Variants in SP4 observed in about 807,000 individuals in gnomAD.
SP4 encodes transcription factor Sp4.
Under a neutral mutation model 72.8 loss-of-function variants are expected in SP4, and 19 were observed. That is an observed-to-expected ratio of 0.26 (90% CI 0.18 to 0.38). SP4 has a LOEUF of 0.38. SP4 is among the 10% of genes least tolerant of loss of function. SP4 has a pLI of 1.00. For synonymous variants in SP4, 395 were observed against 333.1 expected, an observed-to-expected ratio of 1.19 and a Z score of -2.02; for missense variants, 1,008 against 926.3, an observed-to-expected ratio of 1.09 and a Z score of -1.14.
intron 4 of SP4, among the ~76,000 whole-genome samples, chr7:21,478,808 G>A (rs1331619969): frequency 2.0e-5 from 3 of 152,018 alleles, no homozygotes; most frequent in Non-Finnish European, 2.9e-5. Flanking sequence ...AGTGGCTCAC[G>A]CCTGTAATCC....
chr7:21,467,562 T>C (rs1265080794), intron 3 of SP4, among the ~76,000 whole-genome samples: 2 of 152,204 alleles, frequency 1.3e-5, no homozygotes, highest in South Asian at 2.1e-4. Flanking sequence ...TATCTTTTTA[T>C]GTTTAGGAAT....
intron 5 of SP4, among the ~76,000 whole-genome samples, chr7:21,498,722 CAT>C (rs1395695210): frequency 9.2e-5 from 14 of 152,140 alleles, no homozygotes; most frequent in African/African-American, 3.4e-4. Flanking sequence ...CCTTAATGAT[CAT>C]AGTCAATTAA....
Position 21,429,584 on chromosome 7 carries a change from C to G in SP4, c.419C>G (p.Thr140Ser). The G allele has an allele frequency of 1.2e-6, 2 of 1,614,204 alleles. No homozygotes were observed. Among genetic ancestry groups the G allele is most frequent in the Non-Finnish European group, 1.7e-6 (2 of 1,180,016 alleles). ...AACGGGAGTGCATCTCCTACAAAAACTAAATCAGGTAATTCTTCCACCCCT... is the reference window on the plus strand; with the variant it reads ...AACGGGAGTGCATCTCCTACAAAAAGTAAATCAGGTAATTCTTCCACCCCT... ...SNNGSASPTK[T>S]KSGNSSTPGQ... Residue 140 changes from threonine (T) to serine (S), a missense_variant, in exon 3 of 6, where the codon ACT (threonine) becomes AGT (serine). This residue lies in a region of SP4 where 893 missense variants were observed against 743.3 expected (regional missense o/e 1.20). Coordinates refer to ENST00000222584, the MANE Select transcript of SP4 (RefSeq NM_003112.5).
intron 3 of SP4, among the ~76,000 whole-genome samples, chr7:21,431,865 T>A (rs1205443201): frequency 2.6e-5 from 4 of 152,262 alleles, no homozygotes; most frequent in African/African-American, 9.6e-5. Context: ...TTTTGAATGA[T>A]CTTTCTTGAA....
Position 21,429,509 on chromosome 7 carries a change from A to G in SP4, c.344A>G (p.Asn115Ser), listed in dbSNP as rs767888020. The G allele has an allele frequency of 1.9e-6, 3 of 1,614,202 alleles. No homozygotes were observed. Among genetic ancestry groups the G allele is most frequent in the South Asian group, 2.2e-5 (2 of 91,088 alleles). The change falls in exon 3 of 6, where the codon AAT (asparagine) becomes AGT (serine). Residue 115 changes from asparagine (N) to serine (S), a missense_variant. Asn to Ser is a conservative substitution (Grantham distance 46). Around this residue, in one of 3 missense-constraint regions of SP4, gnomAD observed 893 missense variants for 743.3 expected, o/e 1.20. Transcript: ENST00000222584. Reference sequence around the variant, plus strand: ...TCCACTCCTCCTGCTTCAAAAGAGAATAACGTTTCTCAACCAGCCTCTAGT... The same window carrying G: ...TCCACTCCTCCTGCTTCAAAAGAGAGTAACGTTTCTCAACCAGCCTCTAGT... The part of the protein sequence containing the change: ...VASTPPASKE[N>S]NVSQPASSSS...
At chr7:21,442,085 C>G (rs1323311202) in intron 3 of SP4, among the ~76,000 whole-genome samples, 1 of 138,564 alleles carries the variant, frequency 7.2e-6, no homozygotes, top group African/African-American at 2.7e-5. Flanking sequence ...GTCACCCAGG[C>G]TGGAGTGCAG....
At chr7:21,430,870 C>T (rs76475179) in intron 3 of SP4, 27 bp downstream of exon 3, 48,940 of 1,484,424 alleles carry the variant, frequency 0.033, 1,007 homozygotes, top group Non-Finnish European at 0.039. Context: ...TTTTAAGTAC[C>T]TTTTAAATAG....
At chr7:21,496,681 A>G (rs188117237) in intron 5 of SP4, among the ~76,000 whole-genome samples, 3 of 150,330 alleles carry the variant, frequency 2.0e-5, no homozygotes, top group African/African-American at 7.3e-5. Flanking sequence ...TTATTTATTT[A>G]TTTTTTTTTC....
intron 3 of SP4, among the ~76,000 whole-genome samples, chr7:21,456,368 C>T (rs888594109): frequency 7.9e-5 from 12 of 152,128 alleles, no homozygotes; most frequent in African/African-American, 2.4e-4. Context: ...ATAAGGAGCT[C>T]GCAGAGCCAG....
In SP4 at chr7:21,430,483, C is replaced by A. The variant is rs1394091276; in HGVS notation, c.1318C>A (p.Pro440Thr). The change falls in exon 3 of 6, where the codon CCT becomes ACT. Residue 440 changes from proline (P) to threonine (T), a missense_variant. By Grantham distance (38) the Pro-to-Thr change is conservative. Coordinates refer to ENST00000222584, the MANE Select transcript of SP4 (RefSeq NM_003112.5). ...GACGATTCAGACCATCCAGCAGCAG[C>A]CTTTACAGAATGTTCAACTTCAAGC... ...GQTIQTIQQQPLQNVQLQAVN... is the reference protein window; with the variant it reads ...GQTIQTIQQQTLQNVQLQAVN... The A allele has an allele frequency of 1.9e-6, 3 of 1,614,170 alleles. No individual in the cohort carries two copies. Among genetic ancestry groups the A allele is most frequent in the Non-Finnish European group, 1.7e-6 (2 of 1,180,018 alleles).
chr7:21,432,837 T>C (rs757522547), intron 3 of SP4, among the ~76,000 whole-genome samples: 19 of 151,834 alleles, frequency 1.3e-4, no homozygotes, highest in Non-Finnish European at 2.6e-4. Context: ...CTACAAAAAA[T>C]TTAAAAAAAT....
intron 3 of SP4, among the ~76,000 whole-genome samples, chr7:21,439,642 T>C (rs917133929): frequency 6.6e-6 from 1 of 152,052 alleles, no homozygotes; most frequent in Admixed American, 6.6e-5. Flanking sequence ...GGAATCTCAG[T>C]ACTTTGGAAG....
At chr7:21,488,202 CTG>C (rs948896087) in intron 5 of SP4, among the ~76,000 whole-genome samples, 6 of 152,016 alleles carry the variant, frequency 3.9e-5, no homozygotes, top group Non-Finnish European at 5.9e-5. Context: ...GGGTGGAACA[CTG>C]TGTTACACTG....
chr7:21,491,415 G>T (rs1265432284), intron 5 of SP4, among the ~76,000 whole-genome samples: 3 of 152,092 alleles, frequency 2.0e-5, no homozygotes, highest in Non-Finnish European at 2.9e-5. Context: ...GGATTGCAGG[G>T]ATCTGTGGGA....
In SP4 at chr7:21,509,087, T is replaced by C. The variant is rs1782080510; in HGVS notation, c.2108-1935T>C. ...TACCTCAGTTCATTTTACTGTCTTA[T>C]ATGTTGGCTTCGTCAGAATGTTTCA... On this transcript the variant is annotated intron_variant, in intron 5 of 5. Transcript: ENST00000222584. Among the ~76,000 whole-genome samples the C allele has an allele frequency of 2.0e-5, 3 of 152,142 alleles. 1 individual carries two copies. The highest frequency in any genetic ancestry group is 1.3e-4 in the Admixed American group (2 of 15,270).
At chr7:21,490,608 G>A (rs1562622395) in intron 5 of SP4, among the ~76,000 whole-genome samples, 1 of 152,194 alleles carries the variant, frequency 6.6e-6, no homozygotes, top group Non-Finnish European at 1.5e-5. Flanking sequence ...TGAGACAACT[G>A]GAGGTTGGAA....
chr7:21,447,769 C>A (rs985859385), intron 3 of SP4, among the ~76,000 whole-genome samples: 2 of 152,122 alleles, frequency 1.3e-5, no homozygotes, highest in African/African-American at 4.8e-5. Flanking sequence ...CTGCAACCTC[C>A]ACCTCCCAGG....
At position 21,462,581 on chromosome 7, in the gene SP4, T is replaced by TACAGAATCTCTTC. The variant is rs1269807791; in HGVS notation, c.1679-14498_1679-14497insACAGAATCTCTTC. ...AAAGTGTCTAGTTTGTATCTGGAGATTGGTCCTGAGAAGAGATCAGAATCA... is the reference window on the plus strand; with the variant it reads ...AAAGTGTCTAGTTTGTATCTGGAGATACAGAATCTCTTCTGGTCCTGAGAAGAGATCAGAATCA... On this transcript the variant is annotated intron_variant, in intron 3 of 5. Coordinates refer to ENST00000222584, the MANE Select transcript of SP4 (RefSeq NM_003112.5). Among the ~76,000 whole-genome samples the TACAGAATCTCTTC allele has an allele frequency of 1.3e-3, 192 of 152,306 alleles. 1 individual carries two copies. The highest frequency in any genetic ancestry group is 1.7e-3 in the Non-Finnish European group (114 of 68,026).
At chr7:21,503,368 C>G (rs1250764285) in intron 5 of SP4, among the ~76,000 whole-genome samples, 1 of 152,146 alleles carries the variant, frequency 6.6e-6, no homozygotes, top group Non-Finnish European at 1.5e-5. Context: ...TTGTTCTAAT[C>G]TAAGGAATGC....
Sources: allele counts gnomAD v4.1 joint callset (sites outside exome capture counted in the v4.1 genomes callset), GRCh38; gene constraint gnomAD v4.1.1; regional missense constraint gnomAD v4.1.1; transcripts MANE v1.5; gene names NCBI Gene and HGNC (gene_info 2026-07-23, HGNC 2026-07-21).